NOSTRIN: variants seen among roughly 807,000 people sequenced by gnomAD.
The protein encoded by NOSTRIN is BM247 homolog.
NOSTRIN carries 63 observed loss-of-function variants against 59.0 expected under a neutral mutation model. The observed-to-expected ratio is 1.07, with a 90% CI of 0.87 to 1.32. NOSTRIN has a LOEUF of 1.32. Among genes scored for constraint, NOSTRIN ranks in the 40% most tolerant of loss-of-function variants. NOSTRIN has a pLI of 0.00. For missense variants in NOSTRIN, 512 were observed against 473.1 expected, an observed-to-expected ratio of 1.08 and a Z score of -0.76; for synonymous variants, 200 against 165.4, an observed-to-expected ratio of 1.21 and a Z score of -1.61.
At chr2:168,833,277 C>T (rs1394948248) in intron 6 of NOSTRIN, among the ~76,000 whole-genome samples, 1 of 152,112 alleles carries the variant, frequency 6.6e-6, no homozygotes, top group Non-Finnish European at 1.5e-5. Context: ...CTCTCATTTC[C>T]CAGCAGGCAT....
chr2:168,809,492 T>G (rs1686027870), intron 1 of NOSTRIN, among the ~76,000 whole-genome samples: 1 of 152,166 alleles, frequency 6.6e-6, no homozygotes, highest in Non-Finnish European at 1.5e-5. Flanking sequence ...GAGGTGTGTT[T>G]CATGGGATGC....
In NOSTRIN at chr2:168,821,982, T is replaced by C. The variant is rs148510746; in HGVS notation, c.114-2652T>C. On this transcript the variant is annotated intron_variant, in intron 2 of 15. Coordinates refer to ENST00000317647, the MANE Select transcript of NOSTRIN (RefSeq NM_001039724.4). ...CATAAAACCCTCTTTAAGTAGGTCA[T>C]GTAACTTCTTTTTAACAGTACCTGA... Among the ~76,000 whole-genome samples the C allele has an allele frequency of 2.6e-3, 389 of 152,322 alleles. 4 individuals are homozygous for C. The highest frequency in any genetic ancestry group is 8.6e-3 in the African/African-American group (359 of 41,572).
intron 1 of NOSTRIN, among the ~76,000 whole-genome samples, chr2:168,803,702 CT>C (rs1015227571): frequency 6.6e-6 from 1 of 152,076 alleles, no homozygotes; most frequent in African/African-American, 2.4e-5. Flanking sequence ...CCTAATTTTC[CT>C]TTTTTTAAAT....
intron 1 of NOSTRIN, among the ~76,000 whole-genome samples, chr2:168,806,505 T>C (rs2105529161): frequency 6.6e-6 from 1 of 152,192 alleles, no homozygotes; most frequent in East Asian, 1.9e-4. Context: ...TTACAAGTGC[T>C]GGGAAGAAAC....
upstream of NOSTRIN, among the ~76,000 whole-genome samples, chr2:168,799,568 C>T (rs781176220): frequency 2.4e-4 from 37 of 152,258 alleles, no homozygotes; most frequent in Non-Finnish European, 4.4e-4. Context: ...TCCTCACAAC[C>T]CATATCCAGG....
chr2:168,841,672 T>C (rs1485531902), intron 7 of NOSTRIN, among the ~76,000 whole-genome samples: 1 of 152,350 alleles, frequency 6.6e-6, no homozygotes, highest in Middle Eastern at 3.4e-3. Flanking sequence ...CTTATCTGTG[T>C]TACCTATGTC....
At chr2:168,795,013 G>C (rs147116355), upstream of NOSTRIN, among the ~76,000 whole-genome samples, 33 of 152,328 alleles carry the variant, frequency 2.2e-4, no homozygotes, top group African/African-American at 7.9e-4. Flanking sequence ...CAGCCTCTCA[G>C]TTGCTGTCAC....
upstream of NOSTRIN, among the ~76,000 whole-genome samples, chr2:168,799,812 T>A (rs1685569054): frequency 6.6e-6 from 1 of 152,232 alleles, no homozygotes; most frequent in Non-Finnish European, 1.5e-5. Context: ...TTATCTCTAG[T>A]CATTCAAGAA....
At chr2:168,830,849 G>A (rs495135) in intron 5 of NOSTRIN, among the ~76,000 whole-genome samples, 43,136 of 152,144 alleles carry the variant, frequency 0.28, 7,764 homozygotes, top group South Asian at 0.56. Flanking sequence ...ATGATGTGAT[G>A]GGACTAGCAA....
intron 1 of NOSTRIN, among the ~76,000 whole-genome samples, chr2:168,787,356 C>T (rs1399177443): frequency 6.6e-6 from 1 of 152,198 alleles, no homozygotes; most frequent in African/African-American, 2.4e-5. Context: ...CTCCAGGACT[C>T]TGGCCATACT....
chr2:168,820,565 C>T (rs1207829202), intron 2 of NOSTRIN, among the ~76,000 whole-genome samples: 1 of 152,080 alleles, frequency 6.6e-6, no homozygotes, highest in Non-Finnish European at 1.5e-5. Context: ...ACCCACAAAT[C>T]TGCCCTGCTG....
At chr2:168,818,040 G>A (rs1686505397) in intron 2 of NOSTRIN, 1 of 161,124 alleles carries the variant, frequency 6.2e-6, no homozygotes. Context: ...TAAAAGATGG[G>A]TGATATCCCA....
chr2:168,850,209 G>A (rs1311345897), intron 8 of NOSTRIN, among the ~76,000 whole-genome samples: 2 of 152,020 alleles, frequency 1.3e-5, no homozygotes, highest in Admixed American at 6.6e-5. Flanking sequence ...CACTGTGCCC[G>A]GCCTCTAAAA....
intron 10 of NOSTRIN, 44 bp from the exon 11 acceptor site, chr2:168,855,308 C>G (rs763449464): frequency 8.7e-6 from 9 of 1,032,948 alleles, no homozygotes; most frequent in Non-Finnish European, 1.3e-5. Flanking sequence ...AATAGCAACT[C>G]TTACTTCTTC....
At chr2:168,797,816 T>C (rs543345329), upstream of NOSTRIN, among the ~76,000 whole-genome samples, 2 of 152,226 alleles carry the variant, frequency 1.3e-5, no homozygotes, top group South Asian at 4.2e-4. Flanking sequence ...TGTCTCTACC[T>C]TGTGCCTCTG....
chr2:168,806,556 C>G (rs1685860769), intron 1 of NOSTRIN, among the ~76,000 whole-genome samples: 1 of 151,504 alleles, frequency 6.6e-6, no homozygotes. Context: ...GTCAAATAGA[C>G]CAGTTGTCTA....
At chr2:168,855,302 G>A in intron 10 of NOSTRIN, 50 bp from the exon 11 acceptor site, 1 of 944,220 alleles carries the variant, frequency 1.1e-6, no homozygotes, top group Non-Finnish European at 1.6e-6. Context: ...ACAGGGAATA[G>A]CAACTCTTAC....
chr2:168,842,379 C>A (rs1688156174), intron 7 of NOSTRIN, among the ~76,000 whole-genome samples: 1 of 152,150 alleles, frequency 6.6e-6, no homozygotes, highest in Non-Finnish European at 1.5e-5. Context: ...TACCTATCCC[C>A]ATCACAGAGA....
upstream of NOSTRIN, chr2:168,800,919 A>AAAAAG (rs1685594570): frequency 6.7e-6 from 1 of 150,088 alleles, no homozygotes; most frequent in African/African-American, 2.4e-5. Flanking sequence ...TTAAAAAAAA[A>AAAAAG]ACAAAAAAAG....
Sources: gnomAD v4.1 joint callset for allele counts (sites outside exome capture counted in the v4.1 genomes callset) on GRCh38, gnomAD v4.1.1 for gene constraint, MANE v1.5 for transcripts, NCBI Gene and HGNC (gene_info 2026-07-23, HGNC 2026-07-21) for gene names.